Variants in LRRC75B observed in about 807,000 individuals in gnomAD.
LRRC75B encodes leucine rich repeat containing 75B, also known as leucine-rich repeat-containing protein 75B.
In LRRC75B, 20 loss-of-function variants were observed where a neutral mutation model predicts 16.5. The observed-to-expected ratio is 1.21, with a 90% CI of 0.85 to 1.76. The LOEUF (loss-of-function observed/expected upper bound fraction) is 1.76. Ranked by LOEUF, LRRC75B falls within the 40% of genes most tolerant of loss-of-function variation. The pLI, the probability that LRRC75B is intolerant of heterozygous loss-of-function variation, is 0.00. For missense variants in LRRC75B, 406 were observed against 417.0 expected (o/e 0.97, Z 0.23); for synonymous variants, 199 against 198.1 (o/e 1.00, Z -0.04).
chr22:24,586,006 G>T lies in LRRC75B; in HGVS notation c.828C>A (p.Ile276=). The T allele has an allele frequency of 6.2e-7, 1 of 1,610,990 alleles. No individual in the cohort carries two copies. The part of the protein sequence containing the change: ...RLSQRTSLPT[I]YEGLDLEPEG... Reference sequence around the variant, plus strand: ...CAGGCTCAAGGTCCAGGCCCTCGTAGATGGTGGGGAGTGAGGTGCGCTGGC... The same window carrying T: ...CAGGCTCAAGGTCCAGGCCCTCGTATATGGTGGGGAGTGAGGTGCGCTGGC... Residue 276 remains isoleucine, a synonymous_variant, in exon 4 of 4, where the codon ATC becomes ATA. Transcript: ENST00000318753.
chr22:24,592,250 C>A (rs1033662042), intron 1 of LRRC75B: 18 of 461,706 alleles, frequency 3.9e-5, no homozygotes, highest in Admixed American at 2.1e-4. Flanking sequence ...ACCACCGGAC[C>A]GAGTGTTGTG....
At chr22:24,592,714 C>G in intron 1 of LRRC75B, 149 bp downstream of exon 1, 16 of 1,291,254 alleles carry the variant, frequency 1.2e-5, no homozygotes, top group Non-Finnish European at 1.5e-5. Context: ...GTCGCGCCCT[C>G]GGAACCCGCC....
At position 24,586,192 on chromosome 22, in the gene LRRC75B, C is replaced by T. The variant is rs1182134384; in HGVS notation, c.642G>A (p.Leu214=). ...LWALPRLTQL[L]LNGNRLTRAT... is the part of the protein sequence containing the mutation. ...CCCGCGTCAGTCGGTTGCCGTTGAG[C>T]AGGAGCTGGGTGAGGCGGGGCAGCG... The change falls in exon 4 of 4, where the codon CTG becomes CTA. Residue 214 remains leucine (L), a synonymous_variant. Coordinates refer to ENST00000318753, the MANE Select transcript of LRRC75B (RefSeq NM_207644.3). 6.2e-7 allele frequency: 1 copy of T among 1,613,824 alleles called. No homozygotes were observed. Among genetic ancestry groups the T allele is most frequent in the Admixed American group, 1.7e-5 (1 of 60,030 alleles).
At chr22:24,588,407 C>A in intron 2 of LRRC75B, 78 bp from the exon 3 acceptor site, 1 of 1,140,882 alleles carries the variant, frequency 8.8e-7, no homozygotes, top group Non-Finnish European at 1.3e-6. Context: ...GGGACCCAGG[C>A]AGCCAAGTGT....
At chr22:24,591,631 GGA>G (rs1182813057) in intron 1 of LRRC75B, among the ~76,000 whole-genome samples, 4 of 152,228 alleles carry the variant, frequency 2.6e-5, no homozygotes, top group Non-Finnish European at 5.9e-5. Flanking sequence ...TGGTCTCTGA[GGA>G]TCCTTCTTTC....
At position 24,585,977 on chromosome 22, in the gene LRRC75B, C is replaced by G; in HGVS notation, c.857G>C (p.Gly286Ala). 1.2e-6 allele frequency: 2 copies of G among 1,610,362 alleles called. No individual in the cohort carries two copies. Among genetic ancestry groups the G allele is most frequent in the Non-Finnish European group, 1.7e-6 (2 of 1,179,820 alleles). ...AGGGGTGGTGGCCCCGGCCGCACTG[C>G]CCTCAGGCTCAAGGTCCAGGCCCTC... ...IYEGLDLEPE[G>A]SAAGATTPAS... The change falls in exon 4 of 4, where the codon GGC becomes GCC. Residue 286 changes from glycine to alanine, a missense_variant. By Grantham distance (60) the Gly-to-Ala change is moderately conservative. Coordinates refer to ENST00000318753, the MANE Select transcript of LRRC75B (RefSeq NM_207644.3).
chr22:24,588,429 C>G, intron 2 of LRRC75B, 100 bp from the exon 3 acceptor site: 1 of 912,686 alleles, frequency 1.1e-6, no homozygotes, highest in Non-Finnish European at 1.7e-6. Flanking sequence ...TGTGTGAGCA[C>G]AGTCATGCAC....
chr22:24,589,345 G>A, intron 2 of LRRC75B: 1 of 1,144,868 alleles, frequency 8.7e-7, no homozygotes, highest in Non-Finnish European at 1.1e-6. Context: ...CTGTTGTAGG[G>A]GAAAGCAGTG....
intron 3 of LRRC75B, 71 bp from the exon 4 acceptor site, chr22:24,586,482 C>T (rs1283259235): frequency 6.8e-7 from 1 of 1,464,866 alleles, no homozygotes; most frequent in Admixed American, 1.9e-5. Context: ...AGACAGTGAC[C>T]TGTCGGGAAC....
rs1169949128 is a variant in LRRC75B, at chr22:24,586,424, G to C, written c.423-13C>G. ...GCTGCTCTTGAGGCTATGGGAGAGT[G>C]GCAGGTGGGGATGGACTAGGCAACC... On this transcript the variant is annotated splice_polypyrimidine_tract_variant and intron_variant, in intron 3 of 3. Coordinates refer to ENST00000318753, the MANE Select transcript of LRRC75B (RefSeq NM_207644.3). The C allele has an allele frequency of 1.9e-6, 3 of 1,599,852 alleles. No individual in the cohort carries two copies. The African/African-American group carries it at 4.0e-5, about 21-fold the overall frequency.
intron 1 of LRRC75B, among the ~76,000 whole-genome samples, chr22:24,591,571 G>C (rs1271250071): frequency 6.6e-6 from 1 of 152,240 alleles, no homozygotes; most frequent in Non-Finnish European, 1.5e-5. Context: ...TTATGGAGCA[G>C]GATAGGCCCC....
At chr22:24,592,742 A>AG (rs1262176572) in intron 1 of LRRC75B, 121 bp downstream of exon 1, 1 of 1,288,380 alleles carries the variant, frequency 7.8e-7, no homozygotes, top group Non-Finnish European at 9.9e-7. Context: ...GCCAGAGACC[A>AG]GCTCCGCCTC....
At chr22:24,591,931 A>AGAAGG (rs1444745194) in intron 1 of LRRC75B, among the ~76,000 whole-genome samples, 2 of 152,264 alleles carry the variant, frequency 1.3e-5, no homozygotes, top group Non-Finnish European at 2.9e-5. Context: ...GAGGAGGTGG[A>AGAAGG]GAAGGGAAGG....
At chr22:24,587,111 C>G (rs1263501630) in intron 3 of LRRC75B, among the ~76,000 whole-genome samples, 1 of 152,176 alleles carries the variant, frequency 6.6e-6, no homozygotes, top group Non-Finnish European at 1.5e-5. Context: ...GACTCTTGAG[C>G]CCACATGTTT....
Position 24,592,906 on chromosome 22 carries a change from C to T in LRRC75B, c.134G>A (p.Arg45Gln), listed in dbSNP as rs1489991307. Residue 45 changes from arginine to glutamine, a missense_variant, in exon 1 of 4, where the codon CGG becomes CAG. Physicochemically the swap from Arg to Gln is conservative, Grantham distance 43. Transcript: ENST00000318753. Reference protein sequence around the residue: ...LREIQSTLRERRPERARQLLR... With the variant: ...LREIQSTLREQRPERARQLLR... ...CAGCTGCCGGGCGCGCTCCGGCCGC[C>T]GCTCGCGGAGCGTGGACTGGATCTC... is the stretch of plus-strand genomic sequence containing the variant. The T allele has an allele frequency of 5.5e-6, 7 of 1,278,502 alleles. No individual in the cohort carries two copies. Among genetic ancestry groups the T allele is most frequent in the Non-Finnish European group, 5.9e-6 (6 of 1,011,838 alleles). 79.2% of individuals were successfully genotyped at this position (1,278,502 alleles called of 1,614,324 possible). A position where few individuals can be genotyped will look rare whatever the true frequency, so the allele number is the denominator to read the frequency against.
chr22:24,589,963 A>C lies in LRRC75B; in HGVS notation c.178-14T>G, dbSNP rs777768246. On this transcript the variant is annotated splice_polypyrimidine_tract_variant and intron_variant, in intron 1 of 3. Transcript: ENST00000318753. ...AAGGCCCAGGTCCTGTGAGTGGTGAAGAGAGAGTTGAGTGAGCCCGTTGGG... is the reference window on the plus strand; with the variant it reads ...AAGGCCCAGGTCCTGTGAGTGGTGACGAGAGAGTTGAGTGAGCCCGTTGGG... The C allele has an allele frequency of 7.6e-6, 12 of 1,575,874 alleles. No homozygotes were observed. Among genetic ancestry groups the C allele is most frequent in the Non-Finnish European group, 9.5e-6 (11 of 1,161,180 alleles).
At chr22:24,590,012 C>T in intron 1 of LRRC75B, 63 bp from the exon 2 acceptor site, 1 of 1,478,614 alleles carries the variant, frequency 6.8e-7, no homozygotes, top group Non-Finnish European at 9.0e-7. Flanking sequence ...GGCACCACCC[C>T]AGCCAGCCAG....
intron 3 of LRRC75B, 129 bp from the exon 4 acceptor site, chr22:24,586,540 G>T: frequency 1.9e-6 from 2 of 1,054,768 alleles, no homozygotes; most frequent in East Asian, 2.4e-5. Flanking sequence ...TGTGTCTTTC[G>T]TATTTTTTGA....
Position 24,585,970 on chromosome 22 carries a change from C to T in LRRC75B, c.864G>A (p.Ala288=), listed in dbSNP as rs41277315. ...EGLDLEPEGS[A]AGATTPASTW... is the part of the protein sequence containing the mutation. ...TGGAGGCAGGGGTGGTGGCCCCGGC[C>T]GCACTGCCCTCAGGCTCAAGGTCCA... The change falls in exon 4 of 4, where the codon GCG becomes GCA. Residue 288 remains alanine (A), a synonymous_variant. Coordinates refer to ENST00000318753, the MANE Select transcript of LRRC75B (RefSeq NM_207644.3). The T allele has an allele frequency of 0.017, 26,596 of 1,609,936 alleles. 253 individuals carry two copies. The highest frequency in any genetic ancestry group is 0.018 in the Middle Eastern group (111 of 6,018).
Sources: gnomAD v4.1 joint callset for allele counts (sites outside exome capture counted in the v4.1 genomes callset) on GRCh38, gnomAD v4.1.1 for gene constraint, MANE v1.5 for transcripts, NCBI Gene and HGNC (gene_info 2026-07-23, HGNC 2026-07-21) for gene names.